The following DTWD2 variants were observed in gnomAD, a reference collection of about 807,000 sequenced individuals.
DTWD2 encodes the protein DTW motif tRNA-uridine aminocarboxypropyltransferase 2.
DTWD2 carries 39 observed loss-of-function variants against 31.8 expected under a neutral mutation model. That is an observed-to-expected ratio of 1.22 (90% CI 0.95 to 1.60). The LOEUF is 1.60. Ranked by LOEUF, DTWD2 falls within the 40% of genes most tolerant of loss-of-function variation. The pLI is 0.00. For synonymous variants in DTWD2, 180 were observed against 142.8 expected, an observed-to-expected ratio of 1.26 and a Z score of -1.86; for missense variants, 515 against 381.5, an observed-to-expected ratio of 1.35 and a Z score of -2.92.
At chr5:118,935,852 C>CA (rs1456467440) in intron 3 of DTWD2, among the ~76,000 whole-genome samples, 2 of 152,132 alleles carry the variant, frequency 1.3e-5, no homozygotes, top group African/African-American at 2.4e-5. Flanking sequence ...TAAAATCAGT[C>CA]AAAATACAGA....
chr5:118,896,003 T>C (rs763926916), intron 4 of DTWD2, among the ~76,000 whole-genome samples: 1 of 152,178 alleles, frequency 6.6e-6, no homozygotes, highest in African/African-American at 2.4e-5. Context: ...AAGATGTCAT[T>C]TGCTGCTATT....
intron 4 of DTWD2, among the ~76,000 whole-genome samples, chr5:118,869,044 A>G (rs913225134): frequency 3.3e-5 from 5 of 152,164 alleles, no homozygotes; most frequent in Non-Finnish European, 7.4e-5. Context: ...CAGGAGTTGG[A>G]GCACAAAAAA....
chr5:118,944,242 A>C (rs1227948340), intron 2 of DTWD2, among the ~76,000 whole-genome samples: 2 of 152,154 alleles, frequency 1.3e-5, no homozygotes, highest in African/African-American at 4.8e-5. Context: ...CTATGACCAA[A>C]ATTTAAAAAG....
intron 1 of DTWD2, among the ~76,000 whole-genome samples, chr5:118,953,262 A>G (rs1754505928): frequency 6.6e-6 from 1 of 152,224 alleles, no homozygotes; most frequent in Admixed American, 6.5e-5. Flanking sequence ...AGGTGTCCAC[A>G]CCAGTGGGTT....
intron 1 of DTWD2, among the ~76,000 whole-genome samples, chr5:118,984,092 G>A (rs986791790): frequency 6.6e-6 from 1 of 152,180 alleles, no homozygotes; most frequent in African/African-American, 2.4e-5. Context: ...CTCGAGACCA[G>A]CCTGACCAAC....
chr5:118,838,897 G>A lies in DTWD2; in HGVS notation c.*2020C>T, dbSNP rs1461666653. The A allele has an allele frequency of 6.6e-6, 1 of 151,988 alleles. No homozygotes were observed. The highest frequency in any genetic ancestry group is 2.4e-5 in the African/African-American group (1 of 41,382). 9.4% of individuals were successfully genotyped at this position (151,988 alleles called of 1,614,324 possible). On this transcript the variant is annotated 3_prime_UTR_variant, in exon 6 of 6. Coordinates refer to ENST00000510708, the MANE Select transcript of DTWD2 (RefSeq NM_173666.4). Reference sequence around the variant, plus strand: ...TTTCTTTTTAAAAAATAATAATGATGGCTGGGCACGGTCCCAGCACTTTTG... The same window carrying A: ...TTTCTTTTTAAAAAATAATAATGATAGCTGGGCACGGTCCCAGCACTTTTG...
At chr5:118,973,500 T>C (rs925076075) in intron 1 of DTWD2, among the ~76,000 whole-genome samples, 4 of 152,248 alleles carry the variant, frequency 2.6e-5, no homozygotes, top group Non-Finnish European at 5.9e-5. Flanking sequence ...ATTTTATTGC[T>C]CCTTCACTTA....
At chr5:118,946,648 G>A (rs971648469) in intron 1 of DTWD2, among the ~76,000 whole-genome samples, 12 of 152,072 alleles carry the variant, frequency 7.9e-5, no homozygotes, top group African/African-American at 2.7e-4. Flanking sequence ...TGGCGGGTGG[G>A]GTAGAGTTTG....
At chr5:118,883,089 C>T (rs1752778687) in intron 4 of DTWD2, among the ~76,000 whole-genome samples, 1 of 152,194 alleles carries the variant, frequency 6.6e-6, no homozygotes, top group Admixed American at 6.5e-5. Flanking sequence ...ATCCTGAATG[C>T]TTTGCTGCTT....
At chr5:118,919,185 T>C (rs1437502212) in intron 4 of DTWD2, among the ~76,000 whole-genome samples, 3 of 152,110 alleles carry the variant, frequency 2.0e-5, no homozygotes, top group Admixed American at 6.5e-5. Context: ...TGGTGCAAAA[T>C]AGTGAAAGCA....
At chr5:118,890,772 T>C (rs1441887062) in intron 4 of DTWD2, among the ~76,000 whole-genome samples, 3 of 152,226 alleles carry the variant, frequency 2.0e-5, no homozygotes, top group East Asian at 1.9e-4. Context: ...GGTTTCGCCA[T>C]GTTGGCCAGG....
chr5:118,898,572 T>A (rs1469045774), intron 4 of DTWD2, among the ~76,000 whole-genome samples: 1 of 148,576 alleles, frequency 6.7e-6, no homozygotes, highest in Non-Finnish European at 1.5e-5. Flanking sequence ...GGCAAGAGAA[T>A]CGCTTGAACC....
rs142808985 is a variant in DTWD2, at chr5:118,975,633, T to G, written c.218+12661A>C. 7.4e-3 allele frequency among the ~76,000 whole-genome samples: 1,126 copies of G among 152,288 alleles called. 17 individuals are homozygous for G. The highest frequency in any genetic ancestry group is 0.026 in the African/African-American group (1,064 of 41,560). ...TCTGGTTTTTGGGATTTTCAGCCTT[T>G]TTGTGCTGGTTTTTCCTCATCTTCA... is the stretch of plus-strand genomic sequence containing the variant. On this transcript the variant is annotated intron_variant, in intron 1 of 5. Transcript: ENST00000510708.
intron 3 of DTWD2, among the ~76,000 whole-genome samples, chr5:118,935,838 C>G (rs747046551): frequency 6.6e-6 from 1 of 152,108 alleles, no homozygotes; most frequent in Non-Finnish European, 1.5e-5. Context: ...AGAAAACATG[C>G]TCATAAAATC....
intron 1 of DTWD2, among the ~76,000 whole-genome samples, chr5:118,987,189 C>G (rs1484688406): frequency 6.6e-6 from 1 of 152,180 alleles, no homozygotes; most frequent in Non-Finnish European, 1.5e-5. Context: ...CCCCCTCAGA[C>G]GACTTGTTTA....
At chr5:118,927,579 AAAAT>A (rs1490155737) in intron 4 of DTWD2, among the ~76,000 whole-genome samples, 1 of 152,118 alleles carries the variant, frequency 6.6e-6, no homozygotes, top group Non-Finnish European at 1.5e-5. Flanking sequence ...CTGAGTAATT[AAAAT>A]AATTATTTAA....
Position 118,836,280 on chromosome 5 carries a change from G to A in DTWD2, c.*4637C>T, listed in dbSNP as rs13166967. 0.35 allele frequency among the ~76,000 whole-genome samples: 53,067 copies of A among 151,498 alleles called. 11,541 individuals are homozygous for A. The highest frequency in any genetic ancestry group is 0.62 in the African/African-American group (25,630 of 41,326). On this transcript the variant is annotated 3_prime_UTR_variant, in exon 6 of 6. Coordinates refer to ENST00000510708, the MANE Select transcript of DTWD2 (RefSeq NM_173666.4). ...ATTTGAGACACTGTCTCACTCTGTC[G>A]CCCAGGCTAGAGTGCAGTGGTACAT... is the stretch of plus-strand genomic sequence containing the variant.
intron 4 of DTWD2, among the ~76,000 whole-genome samples, chr5:118,849,123 C>G (rs1378233562): frequency 1.3e-5 from 2 of 152,064 alleles, no homozygotes; most frequent in East Asian, 3.9e-4. Flanking sequence ...TGCAATCTGT[C>G]CATCTGACAA....
chr5:118,944,196 G>C (rs980086969), intron 2 of DTWD2, among the ~76,000 whole-genome samples: 14 of 152,004 alleles, frequency 9.2e-5, no homozygotes, highest in African/African-American at 3.4e-4. Flanking sequence ...ACTTCTACTG[G>C]AGCAAGAAAA....
Sources: gnomAD v4.1 joint callset for allele counts (sites outside exome capture counted in the v4.1 genomes callset) on GRCh38, gnomAD v4.1.1 for gene constraint, MANE v1.5 for transcripts, NCBI Gene and HGNC (gene_info 2026-07-23, HGNC 2026-07-21) for gene names.